DGKH: variants seen among roughly 807,000 people sequenced by gnomAD.
DGKH encodes DAG kinase eta.
Under a neutral mutation model 159.3 loss-of-function variants are expected in DGKH, and 90 were observed. That is an observed-to-expected ratio of 0.57 (90% CI 0.48 to 0.67). The LOEUF (loss-of-function observed/expected upper bound fraction) is 0.67. Ranked by LOEUF, DGKH falls within the 30% of genes least tolerant of loss-of-function variation. DGKH has a pLI of 0.00. For missense variants in DGKH, 1,181 were observed against 1,506.1 expected (o/e 0.78, Z 3.57); for synonymous variants, 536 against 553.8 (o/e 0.97, Z 0.45).
intron 3 of DGKH, among the ~76,000 whole-genome samples, chr13:42,143,179 T>A (rs1368956679): frequency 6.6e-6 from 1 of 152,242 alleles, no homozygotes; most frequent in African/African-American, 2.4e-5. Flanking sequence ...TTGTCGGTTC[T>A]GTTTATATGC....
At chr13:42,124,834 G>A (rs1955139685) in intron 1 of DGKH, among the ~76,000 whole-genome samples, 1 of 152,178 alleles carries the variant, frequency 6.6e-6, no homozygotes. Flanking sequence ...GCAAAATGGG[G>A]CCTGGAGTTT....
At chr13:42,174,761 G>T (rs973436846) in intron 12 of DGKH, among the ~76,000 whole-genome samples, 11 of 152,088 alleles carry the variant, frequency 7.2e-5, no homozygotes, top group Admixed American at 5.2e-4. Flanking sequence ...GCTGGAATGC[G>T]ATGATGCAAA....
At chr13:42,129,710 C>G (rs993959924) in intron 3 of DGKH, 78 bp downstream of exon 3, 8 of 1,297,926 alleles carry the variant, frequency 6.2e-6, no homozygotes, top group South Asian at 3.9e-5. Context: ...ATGCCCTGTT[C>G]AATTACAAAC....
chr13:42,049,050 CCCGGGAAGGCGGGGAAGG>C (rs1881023857), intron 1 of DGKH, 85 bp downstream of exon 1: 1 of 1,004,488 alleles, frequency 1.0e-6, no homozygotes, highest in African/African-American at 2.1e-5. Flanking sequence ...GCCGGGCGAT[CCCGGGAAGGCGGGGAAGG>C]CGGGGAAGGC....
intron 12 of DGKH, 21 bp from the exon 13 acceptor site, chr13:42,178,114 G>C: frequency 6.3e-7 from 1 of 1,593,542 alleles, no homozygotes; most frequent in Non-Finnish European, 8.6e-7. Context: ...ATAATACAGT[G>C]TAGAGTTTTC....
intron 29 of DGKH, among the ~76,000 whole-genome samples, chr13:42,225,112 AG>A (rs1360630656): frequency 6.6e-6 from 1 of 152,090 alleles, no homozygotes; most frequent in East Asian, 1.9e-4. Context: ...TTGTAGAGAC[AG>A]GGTCTTGCTG....
intron 29 of DGKH, chr13:42,252,316 A>C (rs1958626076): frequency 6.6e-6 from 1 of 152,140 alleles, no homozygotes; most frequent in Admixed American, 6.5e-5. Context: ...AAGCATGTAG[A>C]ATTGTCTATT....
Position 42,165,409 on chromosome 13 carries a change from G to C in DGKH, c.934G>C (p.Ala312Pro). Residue 312 changes from alanine to proline, a missense_variant, in exon 8 of 30, where the codon GCA (alanine) becomes CCA (proline). Around this residue, in one of 5 missense-constraint regions of DGKH, gnomAD observed 369 missense variants for 519.4 expected, o/e 0.71. Coordinates refer to ENST00000337343, the MANE Select transcript of DGKH (RefSeq NM_178009.5). Reference sequence around the variant, plus strand: ...TAAAGTATCTATCATACCTCCAATTGCACTAAACAGCACCGATTCCGATGG... The same window carrying C: ...TAAAGTATCTATCATACCTCCAATTCCACTAAACAGCACCGATTCCGATGG... ...QCKVSIIPPI[A>P]LNSTDSDGFC... 1 of 1,576,006 alleles carries C rather than the reference G, an allele frequency of 6.3e-7. No individual in the cohort carries two copies. The highest frequency in any genetic ancestry group is 1.2e-5 in the South Asian group (1 of 84,860).
intron 22 of DGKH, 54 bp downstream of exon 22, chr13:42,209,126 G>A: frequency 1.3e-6 from 2 of 1,524,726 alleles, no homozygotes; most frequent in Non-Finnish European, 1.8e-6. Flanking sequence ...GAGGGTTGAA[G>A]GAATCTATTC....
At chr13:42,200,342 A>G (rs1223979695) in intron 20 of DGKH, among the ~76,000 whole-genome samples, 1 of 152,214 alleles carries the variant, frequency 6.6e-6, no homozygotes, top group Non-Finnish European at 1.5e-5. Context: ...TTCTAACAAC[A>G]AGTAAAATTA....
chr13:42,167,368 C>G (rs1488543150), intron 9 of DGKH, among the ~76,000 whole-genome samples: 2 of 152,170 alleles, frequency 1.3e-5, no homozygotes, highest in African/African-American at 4.8e-5. Context: ...TCCACCATTA[C>G]CTTAAAGCAT....
At position 42,165,453 on chromosome 13, in the gene DGKH, G is replaced by T. The variant is rs1046267498; in HGVS notation, c.958+20G>T. 7.3e-7 allele frequency: 1 copy of T among 1,360,774 alleles called. No homozygotes were observed. The highest frequency in any genetic ancestry group is 1.5e-5 in the African/African-American group (1 of 66,998). The allele number at this position is 1,360,774 out of a possible 1,614,324, so 84.3% of individuals were successfully genotyped here. ...CCGATGGTATGTAGCAGTAGTGTAA[G>T]TACGTATATTTCTGGTATATTTAAC... On this transcript the variant is annotated intron_variant, in intron 8 of 29. Coordinates refer to ENST00000337343, the MANE Select transcript of DGKH (RefSeq NM_178009.5).
intron 1 of DGKH, among the ~76,000 whole-genome samples, chr13:42,105,329 T>G (rs1267649761): frequency 6.6e-6 from 1 of 152,184 alleles, no homozygotes; most frequent in South Asian, 2.1e-4. Flanking sequence ...ACCCCCTCTA[T>G]GATAACAACA....
intron 3 of DGKH, 37 bp from the exon 4 acceptor site, chr13:42,155,254 G>C: frequency 6.8e-7 from 1 of 1,470,814 alleles, no homozygotes; most frequent in Non-Finnish European, 9.2e-7. Flanking sequence ...TTTCTCTTTG[G>C]GTATTAACAA....
chr13:42,218,208 C>T (rs1455775115), intron 26 of DGKH, among the ~76,000 whole-genome samples: 1 of 152,174 alleles, frequency 6.6e-6, no homozygotes, highest in East Asian at 1.9e-4. Flanking sequence ...AATCTTTATT[C>T]ATTTATTGAA....
chr13:42,188,918 G>T, intron 14 of DGKH, 118 bp from the exon 15 acceptor site: 1 of 1,128,214 alleles, frequency 8.9e-7, no homozygotes, highest in Non-Finnish European at 1.2e-6. Context: ...TGAGAATTTT[G>T]GTGTTTTTCT....
At chr13:42,098,470 G>C (rs1200324580) in intron 1 of DGKH, among the ~76,000 whole-genome samples, 9 of 150,156 alleles carry the variant, frequency 6.0e-5, no homozygotes, top group Non-Finnish European at 1.3e-4. Context: ...CTGAGCAACA[G>C]AGCGAGACTC....
intron 5 of DGKH, among the ~76,000 whole-genome samples, chr13:42,158,838 A>G (rs932853619): frequency 1.3e-5 from 2 of 152,182 alleles, no homozygotes; most frequent in African/African-American, 4.8e-5. Context: ...AAAATACAAT[A>G]CCAGAAATGT....
chr13:42,159,242 C>G (rs772170706), intron 5 of DGKH, 24 bp from the exon 6 acceptor site: 2 of 159,074 alleles, frequency 1.3e-5, no homozygotes, highest in Admixed American at 2.0e-4. Context: ...AAAGCAGTTG[C>G]TCTTTTTTTT....
Sources: gnomAD v4.1 joint callset for allele counts (sites outside exome capture counted in the v4.1 genomes callset) on GRCh38, gnomAD v4.1.1 for gene constraint, gnomAD v4.1.1 regional missense constraint, MANE v1.5 for transcripts, NCBI Gene and HGNC (gene_info 2026-07-23, HGNC 2026-07-21) for gene names.